Variants in PDE4D observed in about 807,000 individuals in gnomAD.
PDE4D encodes the protein phosphodiesterase 4D.
In PDE4D, 24 loss-of-function variants were observed where a neutral mutation model predicts 87.4. The observed-to-expected ratio is 0.27, with a 90% CI of 0.20 to 0.39. The LOEUF (loss-of-function observed/expected upper bound fraction) is 0.39. Among genes scored for constraint, PDE4D ranks in the 10% least tolerant of loss-of-function variants. The pLI, the probability that PDE4D is intolerant of heterozygous loss-of-function variation, is 1.00. For missense variants in PDE4D, 714 were observed against 1,041.0 expected, an observed-to-expected ratio of 0.69 and a Z score of 4.32; for synonymous variants, 384 against 383.2, an observed-to-expected ratio of 1.00 and a Z score of -0.02.
At position 59,512,905 on chromosome 5, in the gene PDE4D, A is replaced by G. The variant is rs79255193; in HGVS notation, c.456-296937T>C. The stretch of plus-strand genomic sequence containing the variant: ...TTTGAAAAGAAATTAGATGATGTCT[A>G]GTTTAAAAAAATATGTCAAGGTATA... On this transcript the variant is annotated intron_variant, in intron 1 of 14. Transcript: ENST00000340635. 6.5e-3 allele frequency among the ~76,000 whole-genome samples: 996 copies of G among 152,306 alleles called. 9 individuals carry two copies. Among genetic ancestry groups the G allele is most frequent in the African/African-American group, 0.023 (965 of 41,588 alleles).
At chr5:59,326,334 A>C (rs1203387508) in intron 1 of PDE4D, among the ~76,000 whole-genome samples, 1 of 152,148 alleles carries the variant, frequency 6.6e-6, no homozygotes, top group Non-Finnish European at 1.5e-5. Flanking sequence ...TGTTACAATC[A>C]AACTTAAAAA....
intron 1 of PDE4D, among the ~76,000 whole-genome samples, chr5:60,438,651 G>A (rs1744947918): frequency 6.6e-6 from 1 of 151,918 alleles, no homozygotes; most frequent in African/African-American, 2.4e-5. Context: ...CTTGAAAGAT[G>A]TCAGAAAAAA....
intron 1 of PDE4D, among the ~76,000 whole-genome samples, chr5:59,349,201 C>G (rs915963031): frequency 2.0e-5 from 3 of 152,134 alleles, no homozygotes; most frequent in Non-Finnish European, 4.4e-5. Flanking sequence ...ATAACCCAGC[C>G]TTACGGAAAA....
intron 1 of PDE4D, among the ~76,000 whole-genome samples, chr5:59,363,440 C>T (rs1782541527): frequency 6.6e-6 from 1 of 152,080 alleles, no homozygotes; most frequent in South Asian, 2.1e-4. Flanking sequence ...CTCTTAATTG[C>T]AAAATGTATA....
chr5:59,263,175 T>C (rs867943288), intron 1 of PDE4D, among the ~76,000 whole-genome samples: 1 of 152,054 alleles, frequency 6.6e-6, no homozygotes, highest in South Asian at 2.1e-4. Context: ...CTTTGTAATA[T>C]GGAAGAACTC....
rs116608856 is a variant in PDE4D at position 59,995,615 on chromosome 5, G to A, written c.43-6898C>T. 5.4e-3 allele frequency among the ~76,000 whole-genome samples: 825 copies of A among 152,126 alleles called. 9 individuals carry two copies. Among genetic ancestry groups the A allele is most frequent in the African/African-American group, 0.018 (766 of 41,532 alleles). On this transcript the variant is annotated intron_variant, in intron 2 of 16. Coordinates refer to the PDE4D transcript ENST00000502484. ...ATTACAGGTGTGAGCCACTGCACCC[G>A]GCCGCATTTTTCTTTTCAATCTGCC...
intron 1 of PDE4D, among the ~76,000 whole-genome samples, chr5:60,187,099 C>T (rs1784843241): frequency 6.6e-6 from 1 of 152,146 alleles, no homozygotes; most frequent in South Asian, 2.1e-4. Flanking sequence ...GGGACAAAGC[C>T]TTCTTCCAAG....
chr5:59,189,250 T>TTC, intron 3 of PDE4D, among the ~76,000 whole-genome samples: 1 of 103,832 alleles, frequency 9.6e-6, no homozygotes, highest in Non-Finnish European at 1.9e-5. Context: ...TTTTGTTTTT[T>TTC]TTGTTTTTTT....
intron 1 of PDE4D, among the ~76,000 whole-genome samples, chr5:60,265,217 C>T (rs1200917024): frequency 5.9e-5 from 9 of 152,136 alleles, no homozygotes; most frequent in Admixed American, 5.9e-4. Context: ...CAGGGGAGGA[C>T]AATGCACCCC....
At chr5:60,005,406 T>C (rs1300310210) in intron 2 of PDE4D, among the ~76,000 whole-genome samples, 1 of 152,052 alleles carries the variant, frequency 6.6e-6, no homozygotes, top group Admixed American at 6.6e-5. Flanking sequence ...TAGATAATAA[T>C]ACTGTATTGT....
At chr5:59,278,539 T>C (rs1358486357) in intron 1 of PDE4D, among the ~76,000 whole-genome samples, 3 of 152,116 alleles carry the variant, frequency 2.0e-5, no homozygotes, top group African/African-American at 7.2e-5. Context: ...GTAGATGTTT[T>C]GTTGAATCAA....
At chr5:60,185,281 C>T (rs989297657) in intron 2 of PDE4D, among the ~76,000 whole-genome samples, 2 of 152,008 alleles carry the variant, frequency 1.3e-5, no homozygotes. Flanking sequence ...TCTGCATGCA[C>T]TCAAAAATTA....
chr5:59,674,194 G>A (rs1747686332), intron 1 of PDE4D, among the ~76,000 whole-genome samples: 2 of 152,034 alleles, frequency 1.3e-5, no homozygotes, highest in African/African-American at 4.8e-5. Flanking sequence ...ACATATTATT[G>A]TATTTCTAGT....
At chr5:59,733,507 C>G (rs561856298) in intron 1 of PDE4D, among the ~76,000 whole-genome samples, 1 of 152,134 alleles carries the variant, frequency 6.6e-6, no homozygotes, top group East Asian at 1.9e-4. Context: ...GAGAAGGAAG[C>G]TTGGAAAGTG....
intron 1 of PDE4D, among the ~76,000 whole-genome samples, chr5:59,804,479 G>A (rs1380622302): frequency 6.6e-6 from 1 of 151,902 alleles, no homozygotes; most frequent in Non-Finnish European, 1.5e-5. Flanking sequence ...ACAGGCCTGT[G>A]CATGTGGTCT....
chr5:59,427,051 T>A (rs867097856), intron 1 of PDE4D, among the ~76,000 whole-genome samples: 6 of 108,554 alleles, frequency 5.5e-5, no homozygotes, highest in South Asian at 3.3e-4. Context: ...ACACACACAT[T>A]ACATATATAC....
chr5:59,192,941 C>T (rs1375772055), intron 3 of PDE4D, among the ~76,000 whole-genome samples: 3 of 152,174 alleles, frequency 2.0e-5, no homozygotes, highest in Admixed American at 1.3e-4. Flanking sequence ...CATAGAACAT[C>T]TGGTCATCAA....
At chr5:60,216,859 C>G (rs931962210) in intron 1 of PDE4D, among the ~76,000 whole-genome samples, 2 of 152,034 alleles carry the variant, frequency 1.3e-5, no homozygotes, top group African/African-American at 2.4e-5. Context: ...CTTTAATACT[C>G]TGCTTTCATT....
chr5:59,903,849 G>A (rs565320938), intron 3 of PDE4D, among the ~76,000 whole-genome samples: 5 of 152,214 alleles, frequency 3.3e-5, no homozygotes, highest in South Asian at 4.1e-4. Context: ...CTCTGCAAGC[G>A]TGTCTTATGT....
Sources: allele counts gnomAD v4.1 joint callset (sites outside exome capture counted in the v4.1 genomes callset), GRCh38; gene constraint gnomAD v4.1.1; transcripts MANE v1.5; gene names NCBI Gene and HGNC (gene_info 2026-07-23, HGNC 2026-07-21).